Variants in HIVEP3 observed in about 807,000 individuals in gnomAD.
The protein encoded by HIVEP3 is transcription factor HIVEP3.
Under a neutral mutation model 152.8 loss-of-function variants are expected in HIVEP3, and 49 were observed. The observed-to-expected ratio is 0.32, with a 90% CI of 0.26 to 0.41. The LOEUF (loss-of-function observed/expected upper bound fraction) is 0.41. Among genes scored for constraint, HIVEP3 ranks in the 10% least tolerant of loss-of-function variants. The probability of loss-of-function intolerance (pLI) is 1.00; values close to 1 mark genes in which losing one functional copy is unlikely to be tolerated. For synonymous variants in HIVEP3, 1,269 were observed against 1,289.0 expected (o/e 0.98, Z 0.33); for missense variants, 2,790 against 3,103.3 (o/e 0.90, Z 2.40).
intron 1 of HIVEP3, among the ~76,000 whole-genome samples, chr1:42,008,827 G>A (rs190057781): frequency 9.1e-4 from 139 of 152,224 alleles, no homozygotes; most frequent in Admixed American, 6.4e-3. Context: ...CTCCTTGTCC[G>A]TGTGTCCACA....
At chr1:41,860,708 T>C (rs1415046945) in intron 1 of HIVEP3, among the ~76,000 whole-genome samples, 1 of 152,158 alleles carries the variant, frequency 6.6e-6, no homozygotes, top group African/African-American at 2.4e-5. Context: ...CCCTAATATC[T>C]CCACCATTGC....
At chr1:41,803,460 T>C (rs1439826728) in intron 1 of HIVEP3, among the ~76,000 whole-genome samples, 1 of 152,208 alleles carries the variant, frequency 6.6e-6, no homozygotes, top group Non-Finnish European at 1.5e-5. Context: ...GAAGCCTTGA[T>C]TCCTGTCATG....
intron 1 of HIVEP3, among the ~76,000 whole-genome samples, chr1:41,994,287 A>C (rs1645382263): frequency 6.6e-6 from 1 of 151,266 alleles, no homozygotes; most frequent in South Asian, 2.1e-4. Flanking sequence ...AAAATACCCG[A>C]GCAGCCTAGG....
intron 1 of HIVEP3, among the ~76,000 whole-genome samples, chr1:41,811,856 T>C (rs1570589156): frequency 1.3e-5 from 2 of 151,970 alleles, no homozygotes; most frequent in African/African-American, 4.8e-5. Flanking sequence ...TCTAACTCCA[T>C]ACAATTAATA....
At chr1:41,910,788 T>C (rs184715099) in intron 1 of HIVEP3, among the ~76,000 whole-genome samples, 12 of 152,122 alleles carry the variant, frequency 7.9e-5, no homozygotes, top group African/African-American at 2.4e-4. Context: ...TAAACATCCA[T>C]GTATATAATT....
intron 1 of HIVEP3, among the ~76,000 whole-genome samples, chr1:41,706,527 C>T (rs1646436464): frequency 6.6e-6 from 1 of 152,216 alleles, no homozygotes; most frequent in Admixed American, 6.5e-5. Context: ...GGTGATCCAC[C>T]CACCTTGGCC....
intron 1 of HIVEP3, among the ~76,000 whole-genome samples, chr1:41,843,744 C>A (rs1643356790): frequency 6.6e-6 from 1 of 152,190 alleles, no homozygotes; most frequent in Non-Finnish European, 1.5e-5. Flanking sequence ...GCCCCCACAC[C>A]TTTACACACA....
Position 41,582,236 on chromosome 1 carries a change from C to T in HIVEP3, c.2562G>A (p.Gln854=), listed in dbSNP as rs758053804. Residue 854 remains glutamine, a synonymous_variant, in exon 4 of 9, where the codon CAG becomes CAA. Transcript: ENST00000372583. The surrounding 1 kb of genome is among the most constrained non-coding windows in gnomAD (Gnocchi z 4.7). ...CCTCAGTTACTAGGATCTCAGGAAC[C>T]TGAATGTTGGGCTGGCGGACCAACT... The part of the protein sequence containing the change: ...QPKLVRQPNI[Q]VPEILVTEEP... The T allele has an allele frequency of 7.4e-6, 12 of 1,613,886 alleles. No individual in the cohort carries two copies. The South Asian group carries it at 1.3e-4, about 18-fold the overall frequency.
At chr1:41,709,789 C>T (rs540106078) in intron 1 of HIVEP3, among the ~76,000 whole-genome samples, 109 of 152,302 alleles carry the variant, frequency 7.2e-4, no homozygotes, top group African/African-American at 2.0e-3. Context: ...CAGTAACCCC[C>T]GCCCTCCACT....
At chr1:41,832,798 C>T (rs1192048336) in intron 1 of HIVEP3, among the ~76,000 whole-genome samples, 1 of 152,210 alleles carries the variant, frequency 6.6e-6, no homozygotes, top group African/African-American at 2.4e-5. Flanking sequence ...GCCTAATACA[C>T]CCTCAAACTA....
At chr1:41,712,333 G>A (rs550902246) in intron 1 of HIVEP3, among the ~76,000 whole-genome samples, 12 of 152,372 alleles carry the variant, frequency 7.9e-5, no homozygotes, top group East Asian at 7.7e-4. Context: ...CTGCTTGTGC[G>A]CACCAGGCAC....
At chr1:41,535,024 C>A (rs978144500) in intron 5 of HIVEP3, among the ~76,000 whole-genome samples, 27 of 152,166 alleles carry the variant, frequency 1.8e-4, no homozygotes, top group African/African-American at 6.0e-4. Context: ...GCGGGCATCA[C>A]TCGATCCTCC....
chr1:41,545,633 C>T (rs1328736686), intron 5 of HIVEP3, among the ~76,000 whole-genome samples: 3 of 134,946 alleles, frequency 2.2e-5, no homozygotes, highest in Admixed American at 1.5e-4. Flanking sequence ...TCACCACCAC[C>T]ATCACCACCA....
rs1401112877 is a variant in HIVEP3 at position 41,513,686 on chromosome 1, G to A, written c.5535C>T (p.His1845=). ...GREGSEAVEE[H]QFSDLEDSDS... ...CCGAGTCCTCCAGGTCCGAAAACTGGTGCTCCTCCACAGCCTCTGAACCCT... is the reference window on the plus strand; with the variant it reads ...CCGAGTCCTCCAGGTCCGAAAACTGATGCTCCTCCACAGCCTCTGAACCCT... The change falls in exon 8 of 9, where the codon CAC becomes CAT. Residue 1845 remains histidine, a synonymous_variant. Coordinates refer to ENST00000372583, the MANE Select transcript of HIVEP3 (RefSeq NM_024503.5). The A allele has an allele frequency of 6.2e-7, 1 of 1,611,588 alleles. No individual in the cohort carries two copies. The highest frequency in any genetic ancestry group is 8.5e-7 in the Non-Finnish European group (1 of 1,179,000).
At chr1:42,007,995 C>A (rs147796913) in intron 1 of HIVEP3, among the ~76,000 whole-genome samples, 2 of 152,114 alleles carry the variant, frequency 1.3e-5, no homozygotes, top group African/African-American at 2.4e-5. Flanking sequence ...AAACCTCCCA[C>A]GAAGACTCAC....
chr1:42,016,169 G>A (rs540801194), intron 1 of HIVEP3, among the ~76,000 whole-genome samples: 82 of 152,210 alleles, frequency 5.4e-4, no homozygotes, highest in African/African-American at 1.8e-3. Context: ...GTGAGCAAAC[G>A]TACAGAAAAA....
At chr1:41,590,366 C>G (rs531116468) in intron 3 of HIVEP3, among the ~76,000 whole-genome samples, 3 of 152,360 alleles carry the variant, frequency 2.0e-5, no homozygotes, top group East Asian at 3.9e-4. Context: ...CAGCTAGAGG[C>G]TGCCTTTCCC....
At chr1:41,780,125 A>G (rs973538903) in intron 1 of HIVEP3, among the ~76,000 whole-genome samples, 1 of 152,238 alleles carries the variant, frequency 6.6e-6, no homozygotes, top group Admixed American at 6.5e-5. Flanking sequence ...GGAGGAGAGA[A>G]CCAAAGTGGA....
In HIVEP3 at chr1:41,506,571, T is replaced by G. The variant is rs1388000522; in HGVS notation, c.*3880A>C. 1 of 151,022 alleles carries G rather than the reference T, an allele frequency of 6.6e-6. No homozygotes were observed. The highest frequency in any genetic ancestry group is 1.5e-5 in the Non-Finnish European group (1 of 67,896). 9.4% of individuals were successfully genotyped at this position (151,022 alleles called of 1,614,324 possible). On this transcript the variant is annotated 3_prime_UTR_variant, in exon 9 of 9. Coordinates refer to ENST00000372583, the MANE Select transcript of HIVEP3 (RefSeq NM_024503.5). The stretch of plus-strand genomic sequence containing the variant: ...CCTTTTGTACGTCAGACTCTGTGCT[T>G]TAGACCTGCGTGGATTTTTGTTTTT...
Sources: allele counts gnomAD v4.1 joint callset (sites outside exome capture counted in the v4.1 genomes callset), GRCh38; gene constraint gnomAD v4.1.1; non-coding constraint Gnocchi (gnomAD v3.1); transcripts MANE v1.5; gene names NCBI Gene and HGNC (gene_info 2026-07-23, HGNC 2026-07-21).